GABRG3: variants seen among roughly 807,000 people sequenced by gnomAD.
GABRG3 encodes the protein gamma-aminobutyric acid type A receptor subunit gamma3.
GABRG3 carries 25 observed loss-of-function variants against 48.8 expected under a neutral mutation model. The observed-to-expected ratio is 0.51, with a 90% CI of 0.37 to 0.72. The LOEUF (loss-of-function observed/expected upper bound fraction) is 0.72, where lower values mean the gene tolerates loss of function less well. Ranked by LOEUF, GABRG3 falls within the 30% of genes least tolerant of loss-of-function variation. The pLI, the probability that GABRG3 is intolerant of heterozygous loss-of-function variation, is 0.00. For missense variants in GABRG3, 394 were observed against 577.9 expected, an observed-to-expected ratio of 0.68 and a Z score of 3.26; for synonymous variants, 227 against 217.6, an observed-to-expected ratio of 1.04 and a Z score of -0.38.
At chr15:27,203,941 C>A (rs1888770839) in intron 3 of GABRG3, among the ~76,000 whole-genome samples, 1 of 151,362 alleles carries the variant, frequency 6.6e-6, no homozygotes, top group South Asian at 2.1e-4. Context: ...AGTTAAGTTT[C>A]TGAAAGTTAG....
At chr15:27,530,914 C>G (rs1891408707) in intron 9 of GABRG3, 3 of 335,792 alleles carry the variant, frequency 8.9e-6, no homozygotes, top group Admixed American at 4.0e-5. Context: ...AAAGGCAGAT[C>G]TTTCAACCGG....
chr15:27,275,493 A>T (rs946281512), intron 3 of GABRG3, among the ~76,000 whole-genome samples: 1 of 152,266 alleles, frequency 6.6e-6, no homozygotes, highest in Non-Finnish European at 1.5e-5. Context: ...TGGGAATTGA[A>T]TGGAGAAAAT....
intron 5 of GABRG3, among the ~76,000 whole-genome samples, chr15:27,445,060 A>T (rs1216947241): frequency 6.6e-6 from 1 of 151,982 alleles, no homozygotes; most frequent in Non-Finnish European, 1.5e-5. Flanking sequence ...TTTAGTAGAG[A>T]TGAGGTTTTG....
At position 27,425,269 on chromosome 15, in the gene GABRG3, C is replaced by G. The variant is rs553171221; in HGVS notation, c.575-55381C>G. Reference sequence around the variant, plus strand: ...CTAACCATGAGTATAAGTGGCTTGACTGAGTTCTGAGTCCTTCTAGTGAAT... The same window carrying G: ...CTAACCATGAGTATAAGTGGCTTGAGTGAGTTCTGAGTCCTTCTAGTGAAT... On this transcript the variant is annotated intron_variant, in intron 5 of 9. Transcript: ENST00000615808. Among the ~76,000 whole-genome samples, 97 of 151,948 alleles carry G rather than the reference C, an allele frequency of 6.4e-4. 1 individual carries two copies. The highest frequency in any genetic ancestry group is 1.3e-3 in the Non-Finnish European group (85 of 67,990).
intron 2 of GABRG3, among the ~76,000 whole-genome samples, chr15:27,019,292 A>C (rs565173320): frequency 1.1e-4 from 17 of 151,750 alleles, no homozygotes; most frequent in Admixed American, 4.6e-4. Context: ...GGATGGTCTC[A>C]ATCTCCTGAC....
At position 27,176,791 on chromosome 15, in the gene GABRG3, G is replaced by T. The variant is rs114955443; in HGVS notation, c.270+149970G>T. On this transcript the variant is annotated intron_variant, in intron 3 of 9. Transcript: ENST00000615808. The stretch of plus-strand genomic sequence containing the variant: ...GTATCTAGAGTCAAAAAAGACTTAG[G>T]GCATGCCATAGGGTGGGGAGCTGAG... Among the ~76,000 whole-genome samples the T allele has an allele frequency of 6.9e-3, 1,057 of 152,150 alleles. 8 individuals carry two copies. The highest frequency in any genetic ancestry group is 0.024 in the African/African-American group (1,001 of 41,512).
intron 2 of GABRG3, among the ~76,000 whole-genome samples, chr15:27,003,893 G>A (rs1168548002): frequency 3.6e-5 from 5 of 140,306 alleles, no homozygotes; most frequent in African/African-American, 5.4e-5. Context: ...GCGGCTGGCC[G>A]GGCAGAGGGG....
chr15:27,398,672 A>G (rs1201613071), intron 5 of GABRG3, among the ~76,000 whole-genome samples: 8 of 152,036 alleles, frequency 5.3e-5, no homozygotes, highest in Non-Finnish European at 1.2e-4. Flanking sequence ...GCGCGCACAC[A>G]CACACACACA....
intron 2 of GABRG3, among the ~76,000 whole-genome samples, chr15:26,993,328 A>G (rs897366193): frequency 6.6e-6 from 1 of 151,804 alleles, no homozygotes; most frequent in African/African-American, 2.4e-5. Flanking sequence ...TTCTTTTTCT[A>G]TGTAGGCACT....
intron 3 of GABRG3, among the ~76,000 whole-genome samples, chr15:27,140,506 T>C (rs747800154): frequency 6.6e-6 from 1 of 152,220 alleles, no homozygotes; most frequent in East Asian, 1.9e-4. Flanking sequence ...TTTATTCCCA[T>C]TTTCCCCTCC....
intron 6 of GABRG3, among the ~76,000 whole-genome samples, chr15:27,503,383 C>T (rs1284532610): frequency 6.6e-6 from 1 of 152,154 alleles, no homozygotes; most frequent in Admixed American, 6.5e-5. Flanking sequence ...TCATTGAGAC[C>T]TTTTATACCA....
At chr15:27,351,497 GTGTGTTGGTATGTGTGTATGGTGTGTT>G (rs1182693098) in intron 5 of GABRG3, among the ~76,000 whole-genome samples, 1 of 145,428 alleles carries the variant, frequency 6.9e-6, no homozygotes, top group Non-Finnish European at 1.5e-5. Flanking sequence ...TATGGTGTGT[GTGTGTTGGTATGTGTGTATGGTGTGTT>G]TGTGTGTGTG....
chr15:27,219,461 C>T (rs1345691483), intron 3 of GABRG3, among the ~76,000 whole-genome samples: 1 of 152,178 alleles, frequency 6.6e-6, no homozygotes, highest in South Asian at 2.1e-4. Flanking sequence ...GGGTCTGCCT[C>T]TTTCCACCCC....
At chr15:27,404,511 A>G (rs1887575148) in intron 5 of GABRG3, among the ~76,000 whole-genome samples, 1 of 152,092 alleles carries the variant, frequency 6.6e-6, no homozygotes, top group Non-Finnish European at 1.5e-5. Flanking sequence ...GCTTGTGCCT[A>G]TGTGATCATC....
At chr15:27,134,003 C>G (rs945065698) in intron 3 of GABRG3, among the ~76,000 whole-genome samples, 2 of 152,168 alleles carry the variant, frequency 1.3e-5, no homozygotes, top group African/African-American at 4.8e-5. Context: ...AAGAGATTAT[C>G]ATGTAGCACC....
At chr15:27,009,321 C>A (rs1053397403) in intron 2 of GABRG3, among the ~76,000 whole-genome samples, 2 of 152,144 alleles carry the variant, frequency 1.3e-5, no homozygotes, top group South Asian at 4.1e-4. Context: ...CTGATGTCCC[C>A]TTACTGAGCT....
intron 3 of GABRG3, among the ~76,000 whole-genome samples, chr15:27,070,841 G>A (rs1280003213): frequency 6.6e-6 from 1 of 152,170 alleles, no homozygotes; most frequent in Non-Finnish European, 1.5e-5. Flanking sequence ...TTTAGAAAAT[G>A]AGAACTACCC....
chr15:27,450,966 C>T (rs1323469257), intron 5 of GABRG3, among the ~76,000 whole-genome samples: 1 of 151,860 alleles, frequency 6.6e-6, no homozygotes, highest in Non-Finnish European at 1.5e-5. Context: ...AAAATAGCAT[C>T]AAAAATATTA....
chr15:27,216,771 T>A (rs1264046241), intron 3 of GABRG3, among the ~76,000 whole-genome samples: 2 of 104,072 alleles, frequency 1.9e-5, no homozygotes, highest in Admixed American at 1.2e-4. Flanking sequence ...TATTTATTTA[T>A]TTTTTAATTT....
Sources: gnomAD v4.1 joint callset for allele counts (sites outside exome capture counted in the v4.1 genomes callset) on GRCh38, gnomAD v4.1.1 for gene constraint, MANE v1.5 for transcripts, NCBI Gene and HGNC (gene_info 2026-07-23, HGNC 2026-07-21) for gene names.